Variants in CNTN5 observed in about 807,000 individuals in gnomAD.
CNTN5 encodes contactin-5.
Under a neutral mutation model 129.1 loss-of-function variants are expected in CNTN5, and 77 were observed. The observed-to-expected ratio is 0.60, with a 90% CI of 0.50 to 0.72. The LOEUF (loss-of-function observed/expected upper bound fraction) is 0.72. Among genes scored for constraint, CNTN5 ranks in the 30% least tolerant of loss-of-function variants. The probability of loss-of-function intolerance (pLI) is 0.00; values close to 1 mark genes in which losing one functional copy is unlikely to be tolerated. For synonymous variants in CNTN5, 509 were observed against 465.6 expected (o/e 1.09, Z -1.20); for missense variants, 1,478 against 1,328.8 (o/e 1.11, Z -1.75).
At chr11:99,126,055 C>T (rs1479724747) in intron 1 of CNTN5, among the ~76,000 whole-genome samples, 1 of 152,106 alleles carries the variant, frequency 6.6e-6, no homozygotes, top group Non-Finnish European at 1.5e-5. Context: ...ATGATCTGCA[C>T]TGATAATAGT....
In CNTN5 at chr11:100,275,107, G is replaced by A. The variant is rs1239495243; in HGVS notation, c.2314+3866G>A. Among the ~76,000 whole-genome samples, 11 of 138,820 alleles carry A rather than the reference G, an allele frequency of 7.9e-5. No individual in the cohort carries two copies. In the East Asian group the frequency reaches 1.1e-3, roughly 14 times the overall value. The allele number at this position is 138,820 out of a possible 152,430, so 91.1% of individuals were successfully genotyped here. On this transcript the variant is annotated intron_variant, in intron 18 of 24. Transcript: ENST00000524871. Reference sequence around the variant, plus strand: ...AAAAATTAAACAACCAAAAAAAAAAGGTAAAATGGCTTAAATATGTTGGAA... The same window carrying A: ...AAAAATTAAACAACCAAAAAAAAAAAGTAAAATGGCTTAAATATGTTGGAA...
intron 3 of CNTN5, among the ~76,000 whole-genome samples, chr11:99,687,124 G>A (rs1453906378): frequency 6.6e-6 from 1 of 152,090 alleles, no homozygotes; most frequent in Non-Finnish European, 1.5e-5. Context: ...GAAGGTTAAT[G>A]TACTTACGTA....
chr11:99,602,594 A>G (rs1029767334), intron 3 of CNTN5, among the ~76,000 whole-genome samples: 4 of 152,258 alleles, frequency 2.6e-5, no homozygotes, highest in African/African-American at 9.6e-5. Context: ...AAGGAAAACA[A>G]CACATGGTTT....
At chr11:99,901,661 A>G (rs1949361343) in intron 6 of CNTN5, among the ~76,000 whole-genome samples, 2 of 152,150 alleles carry the variant, frequency 1.3e-5, no homozygotes, top group African/African-American at 2.4e-5. Context: ...TCAGCTCACC[A>G]CTGAGATTTA....
intron 21 of CNTN5, among the ~76,000 whole-genome samples, chr11:100,313,839 A>G (rs1184643176): frequency 6.6e-6 from 1 of 152,056 alleles, no homozygotes; most frequent in East Asian, 1.9e-4. Context: ...TAGCAGGAAT[A>G]CCACGTATGA....
intron 2 of CNTN5, among the ~76,000 whole-genome samples, chr11:99,536,756 G>T (rs10790782): frequency 0.28 from 41,855 of 150,536 alleles, 6,065 homozygotes; most frequent in Non-Finnish European, 0.31. Context: ...CTGTTTTATG[G>T]ATGAGAAAAA....
intron 1 of CNTN5, among the ~76,000 whole-genome samples, chr11:99,168,133 A>T (rs1860967565): frequency 6.6e-6 from 1 of 152,074 alleles, no homozygotes; most frequent in African/African-American, 2.4e-5. Flanking sequence ...TTGTAGCGAC[A>T]GACTTCCACC....
chr11:99,658,421 A>C (rs1952462277), intron 3 of CNTN5, among the ~76,000 whole-genome samples: 1 of 152,004 alleles, frequency 6.6e-6, no homozygotes. Flanking sequence ...TTAGAACTAA[A>C]ATTTTATATT....
At chr11:99,536,780 C>T (rs1207940532) in intron 2 of CNTN5, among the ~76,000 whole-genome samples, 4 of 150,230 alleles carry the variant, frequency 2.7e-5, no homozygotes, top group African/African-American at 4.9e-5. Context: ...TTAGGAAGTC[C>T]TGCCCAATAG....
At chr11:99,293,648 AG>A (rs2135926694) in intron 1 of CNTN5, among the ~76,000 whole-genome samples, 1 of 152,196 alleles carries the variant, frequency 6.6e-6, no homozygotes, top group South Asian at 2.1e-4. Context: ...TAATATTTGA[AG>A]GTTGTATATG....
chr11:99,426,483 A>T (rs561206350), intron 2 of CNTN5, among the ~76,000 whole-genome samples: 1 of 152,328 alleles, frequency 6.6e-6, no homozygotes, highest in African/African-American at 2.4e-5. Flanking sequence ...ATTAAATTTT[A>T]ATCATCTTGA....
At chr11:99,480,079 A>T (rs758692385) in intron 2 of CNTN5, among the ~76,000 whole-genome samples, 31 of 152,318 alleles carry the variant, frequency 2.0e-4, no homozygotes, top group Middle Eastern at 6.8e-3. Flanking sequence ...TTCAACTTTA[A>T]TCAGATTTGT....
chr11:99,564,566 AAATT>A (rs763687747), intron 3 of CNTN5, among the ~76,000 whole-genome samples: 72 of 152,342 alleles, frequency 4.7e-4, no homozygotes, highest in Non-Finnish European at 9.6e-4. Flanking sequence ...TCTTAATATG[AAATT>A]AATTAACTTC....
chr11:100,165,562 A>G (rs1422508607), intron 13 of CNTN5, among the ~76,000 whole-genome samples: 1 of 151,854 alleles, frequency 6.6e-6, no homozygotes, highest in Non-Finnish European at 1.5e-5. Flanking sequence ...GAAAGTTCCA[A>G]TAAAGCTCTT....
intron 1 of CNTN5, among the ~76,000 whole-genome samples, chr11:99,142,295 G>T (rs1362775828): frequency 8.6e-5 from 7 of 81,842 alleles, no homozygotes; most frequent in Admixed American, 1.5e-4. Context: ...GCATGCAGTG[G>T]AGTTGAGCTT....
chr11:99,844,477 G>T, intron 4 of CNTN5: 1 of 293,150 alleles, frequency 3.4e-6, no homozygotes. Flanking sequence ...TTTTGCGTGT[G>T]TATTATTTTT....
At chr11:99,086,572 A>G (rs529418238) in intron 1 of CNTN5, among the ~76,000 whole-genome samples, 1 of 152,208 alleles carries the variant, frequency 6.6e-6, no homozygotes, top group Admixed American at 6.5e-5. Context: ...ACTTATCAGC[A>G]TGATTCACTG....
chr11:99,629,781 T>C (rs1951272699), intron 3 of CNTN5, among the ~76,000 whole-genome samples: 1 of 151,942 alleles, frequency 6.6e-6, no homozygotes. Flanking sequence ...TTTCTTAGCA[T>C]TTTGTATATA....
chr11:99,888,924 T>C (rs1435956538), intron 6 of CNTN5, among the ~76,000 whole-genome samples: 3 of 152,154 alleles, frequency 2.0e-5, no homozygotes, highest in Non-Finnish European at 4.4e-5. Flanking sequence ...ATGCTCACAG[T>C]TTTGAGTTGT....
Sources: gnomAD v4.1 joint callset for allele counts (sites outside exome capture counted in the v4.1 genomes callset) on GRCh38, gnomAD v4.1.1 for gene constraint, MANE v1.5 for transcripts, NCBI Gene and HGNC (gene_info 2026-07-23, HGNC 2026-07-21) for gene names.